Variants in ADAMTS16 observed in about 807,000 individuals in gnomAD.
ADAMTS16 encodes A disintegrin and metalloproteinase with thrombospondin motifs 16.
Under a neutral mutation model 145.8 loss-of-function variants are expected in ADAMTS16, and 94 were observed. That is an observed-to-expected ratio of 0.64 (90% CI 0.55 to 0.77). ADAMTS16 has a LOEUF of 0.77. Among genes scored for constraint, ADAMTS16 ranks in the 30% least tolerant of loss-of-function variants. ADAMTS16 has a pLI of 0.00. For synonymous variants in ADAMTS16, 659 were observed against 604.3 expected, an observed-to-expected ratio of 1.09 and a Z score of -1.33; for missense variants, 1,585 against 1,591.5, an observed-to-expected ratio of 1.00 and a Z score of 0.07.
rs561046119 is a variant in ADAMTS16, at chr5:5,211,033, T to C, written c.1605+1787T>C. Among the ~76,000 whole-genome samples, 9 of 152,352 alleles carry C rather than the reference T, an allele frequency of 5.9e-5. No individual in the cohort carries two copies. The South Asian group carries it at 1.9e-3, about 32-fold the overall frequency. ...TTTACATTTGTGTTCTTGATTGATATTATTGGGAAATTTCTTTCTCATAAT... is the reference window on the plus strand; with the variant it reads ...TTTACATTTGTGTTCTTGATTGATACTATTGGGAAATTTCTTTCTCATAAT... On this transcript the variant is annotated intron_variant, in intron 10 of 22. Coordinates refer to ENST00000274181, the MANE Select transcript of ADAMTS16 (RefSeq NM_139056.4).
intron 10 of ADAMTS16, among the ~76,000 whole-genome samples, chr5:5,219,116 C>CG (rs1736521302): frequency 6.6e-6 from 1 of 151,992 alleles, no homozygotes; most frequent in African/African-American, 2.4e-5. Flanking sequence ...CAGGGACCCC[C>CG]CCTTCTCTAC....
intron 21 of ADAMTS16, among the ~76,000 whole-genome samples, chr5:5,315,573 T>C (rs544500137): frequency 6.6e-6 from 1 of 152,300 alleles, no homozygotes; most frequent in East Asian, 1.9e-4. Flanking sequence ...AAAGATGTTG[T>C]GGACACTGAT....
Position 5,312,419 on chromosome 5 carries a change from CTCT to C in ADAMTS16, c.3411+5693_3411+5695del, listed in dbSNP as rs1289968055. 1.3e-4 allele frequency among the ~76,000 whole-genome samples: 19 copies of C among 151,102 alleles called. 1 individual carries two copies. In the East Asian group the frequency reaches 1.6e-3, roughly 12 times the overall value. On this transcript the variant is annotated intron_variant, in intron 21 of 22. Transcript: ENST00000274181. ...CCCAGGAGACCTCTTGTCATTTTCT[CTCT>C]TTTTTTGTTGTTTTTTGTTGTTGTT...
chr5:5,248,809 A>G (rs1253060157), intron 17 of ADAMTS16, among the ~76,000 whole-genome samples: 1 of 152,188 alleles, frequency 6.6e-6, no homozygotes, highest in African/African-American at 2.4e-5. Context: ...GTCTGTACAT[A>G]TTTTTACATT....
chr5:5,222,708 T>G (rs2126347804), intron 10 of ADAMTS16, 81 bp from the exon 11 acceptor site: 1 of 1,196,400 alleles, frequency 8.4e-7, no homozygotes, highest in Non-Finnish European at 1.2e-6. Flanking sequence ...GTTTTCACCT[T>G]AAATCTCTCA....
intron 10 of ADAMTS16, 57 bp from the exon 11 acceptor site, chr5:5,222,732 T>C: frequency 7.3e-7 from 1 of 1,378,186 alleles, no homozygotes; most frequent in East Asian, 2.3e-5. Context: ...ATATTTTTAT[T>C]ATAGATGAAT....
intron 18 of ADAMTS16, among the ~76,000 whole-genome samples, chr5:5,293,935 C>G (rs1739429489): frequency 1.3e-5 from 2 of 152,188 alleles, no homozygotes; most frequent in Non-Finnish European, 2.9e-5. Context: ...CCCAGAACCT[C>G]TGGCACACTG....
intron 17 of ADAMTS16, among the ~76,000 whole-genome samples, chr5:5,256,733 T>A (rs1737795984): frequency 6.6e-6 from 1 of 152,248 alleles, no homozygotes; most frequent in Admixed American, 6.5e-5. Flanking sequence ...CATAAAGGCA[T>A]GACTCTTTGT....
At chr5:5,263,765 G>T (rs11748055) in intron 18 of ADAMTS16, among the ~76,000 whole-genome samples, 89,698 of 152,004 alleles carry the variant, frequency 0.59, 28,166 homozygotes, top group Non-Finnish European at 0.69. Flanking sequence ...ATGGACGGAG[G>T]TGTGTTCGCA....
chr5:5,301,748 G>C (rs973187712), intron 18 of ADAMTS16, among the ~76,000 whole-genome samples: 1 of 152,158 alleles, frequency 6.6e-6, no homozygotes, highest in Non-Finnish European at 1.5e-5. Context: ...ACAAGTCCTC[G>C]GGTTTACCCT....
At chr5:5,169,965 A>G (rs1207880540) in intron 3 of ADAMTS16, among the ~76,000 whole-genome samples, 3 of 152,182 alleles carry the variant, frequency 2.0e-5, no homozygotes. Flanking sequence ...TTTTTGATGG[A>G]CATTTAGACT....
chr5:5,243,292 A>T (rs1342005403), intron 17 of ADAMTS16, among the ~76,000 whole-genome samples: 1 of 152,244 alleles, frequency 6.6e-6, no homozygotes, highest in African/African-American at 2.4e-5. Context: ...GTCTTAGGAA[A>T]AACATGACTA....
rs770357865 is a variant in ADAMTS16, at chr5:5,235,076, A to G, written c.1913A>G (p.Gln638Arg). The change falls in exon 13 of 23, where the codon CAG becomes CGG. Residue 638 changes from glutamine (Q) to arginine (R), a missense_variant. Transcript: ENST00000274181. ...CGCACTCTGAAGCTCTGCAACAGTC[A>G]GAAATGTCCCCGGGACAGTGTTGAC... Reference protein sequence around the residue: ...STRTLKLCNSQKCPRDSVDFR... With the variant: ...STRTLKLCNSRKCPRDSVDFR... 1 of 1,606,132 alleles carries G rather than the reference A, an allele frequency of 6.2e-7. No individual in the cohort carries two copies. Among genetic ancestry groups the G allele is most frequent in the Admixed American group, 1.7e-5 (1 of 59,888 alleles).
chr5:5,235,876 A>T (rs1341659486), intron 13 of ADAMTS16, among the ~76,000 whole-genome samples: 1 of 152,194 alleles, frequency 6.6e-6, no homozygotes, highest in South Asian at 2.1e-4. Flanking sequence ...GTCCCATCTG[A>T]CATTCCCATT....
chr5:5,295,888 A>G (rs1296249396), intron 18 of ADAMTS16, among the ~76,000 whole-genome samples: 2 of 152,234 alleles, frequency 1.3e-5, no homozygotes, highest in African/African-American at 2.4e-5. Context: ...GAATGTTTGT[A>G]ACCTGAACAG....
chr5:5,219,023 G>C (rs1391470119), intron 10 of ADAMTS16, among the ~76,000 whole-genome samples: 1 of 152,108 alleles, frequency 6.6e-6, no homozygotes, highest in East Asian at 1.9e-4. Flanking sequence ...AGTAGTCTTG[G>C]AAAATGCGAC....
chr5:5,229,785 G>GT (rs1736872428), intron 11 of ADAMTS16, among the ~76,000 whole-genome samples: 2 of 152,174 alleles, frequency 1.3e-5, no homozygotes, highest in African/African-American at 4.8e-5. Context: ...GGTGAAGGTT[G>GT]TTTTTTCTTA....
chr5:5,238,190 G>A (rs1390381641), intron 14 of ADAMTS16, among the ~76,000 whole-genome samples: 1 of 152,080 alleles, frequency 6.6e-6, no homozygotes, highest in African/African-American at 2.4e-5. Context: ...CTATTTTATT[G>A]TATTTTGGTA....
intron 21 of ADAMTS16, among the ~76,000 whole-genome samples, chr5:5,315,101 T>C (rs1440727070): frequency 1.3e-5 from 2 of 152,106 alleles, no homozygotes. Context: ...CTTACAATCA[T>C]GGTGGAATGG....
Sources: gnomAD v4.1 joint callset for allele counts (sites outside exome capture counted in the v4.1 genomes callset) on GRCh38, gnomAD v4.1.1 for gene constraint, MANE v1.5 for transcripts, NCBI Gene and HGNC (gene_info 2026-07-23, HGNC 2026-07-21) for gene names.